Variants in GPHN observed in about 807,000 individuals in gnomAD.
The protein encoded by GPHN is gephyrin.
A neutral mutation model predicts 95.5 loss-of-function variants in GPHN; 17 were observed. The ratio of observed to expected loss-of-function variants is 0.18; its 90% CI spans 0.12 to 0.27. The LOEUF (loss-of-function observed/expected upper bound fraction) is 0.27, where lower values mean the gene tolerates loss of function less well. GPHN is among the 10% of genes least tolerant of loss of function. The pLI is 1.00. For synonymous variants in GPHN, 320 were observed against 322.5 expected (o/e 0.99, Z 0.08); for missense variants, 660 against 978.1 (o/e 0.67, Z 4.34).
chr14:66,981,163 CT>C (rs1243369857), intron 9 of GPHN, among the ~76,000 whole-genome samples: 16 of 152,170 alleles, frequency 1.1e-4, no homozygotes, highest in Non-Finnish European at 2.2e-4. Flanking sequence ...TGCAACTTTC[CT>C]TGACCTTTTT....
At chr14:66,614,270 G>C (rs554508688) in intron 1 of GPHN, among the ~76,000 whole-genome samples, 124 of 152,204 alleles carry the variant, frequency 8.1e-4, no homozygotes, top group Non-Finnish European at 1.3e-3. Flanking sequence ...TTTGAGGTTA[G>C]ATAGCTTGTC....
intron 2 of GPHN, among the ~76,000 whole-genome samples, chr14:66,716,234 G>A (rs1377927732): frequency 1.3e-5 from 2 of 152,120 alleles, no homozygotes; most frequent in Non-Finnish European, 2.9e-5. Context: ...TGTTGGACAA[G>A]GCCTTTTACC....
intron 4 of GPHN, chr14:66,842,721 G>T: frequency 2.0e-6 from 3 of 1,525,624 alleles, no homozygotes; most frequent in Non-Finnish European, 2.6e-6. Flanking sequence ...AAAGGGGTAA[G>T]CGAAGACTTC....
Position 66,553,290 on chromosome 14 carries a change from C to T in GPHN, c.64+44699C>T, listed in dbSNP as rs1439179510. Among the ~76,000 whole-genome samples the T allele has an allele frequency of 3.3e-5, 5 of 152,222 alleles. No homozygotes were observed. In the South Asian group the frequency reaches 8.3e-4, roughly 25 times the overall value. On this transcript the variant is annotated intron_variant, in intron 1 of 22. Coordinates refer to ENST00000478722, the MANE Select transcript of GPHN (RefSeq NM_020806.5). ...ATAGGCATGAGCTACCGCACCTGGC[C>T]CTAAACTTCTTAAAAGTTGGTGTTT...
chr14:66,550,788 A>G (rs2059780940), intron 1 of GPHN, among the ~76,000 whole-genome samples: 1 of 152,204 alleles, frequency 6.6e-6, no homozygotes, highest in South Asian at 2.1e-4. Flanking sequence ...CTCCACCAGC[A>G]AAAAGATTAT....
chr14:67,032,572 T>C (rs1035850429), intron 10 of GPHN, among the ~76,000 whole-genome samples: 45 of 152,114 alleles, frequency 3.0e-4, no homozygotes, highest in Admixed American at 2.7e-3. Context: ...GGAACAGTGA[T>C]GGCTTGCTAC....
chr14:67,389,564 G>A, the GPHN span, among the ~76,000 whole-genome samples: 50 of 152,116 alleles, frequency 3.3e-4, no homozygotes, highest in Non-Finnish European at 6.3e-4. Flanking sequence ...ATGTATATGA[G>A]CATTTGTGCA....
chr14:67,414,953 G>A, the GPHN span, among the ~76,000 whole-genome samples: 2 of 152,332 alleles, frequency 1.3e-5, no homozygotes, highest in South Asian at 4.1e-4. Flanking sequence ...CAGAATACAG[G>A]CTAACAGAGC....
the GPHN span, among the ~76,000 whole-genome samples, chr14:67,517,287 C>A: frequency 6.6e-6 from 1 of 152,316 alleles, no homozygotes; most frequent in Admixed American, 6.5e-5. Context: ...TGGCTCTCCC[C>A]CAGGCTCTGG....
the GPHN span, chr14:67,652,253 C>CAGTT: frequency 6.6e-6 from 1 of 152,258 alleles, no homozygotes; most frequent in Non-Finnish European, 1.5e-5. Context: ...GTATTGGTGG[C>CAGTT]AGTTAGTACA....
Position 66,638,350 on chromosome 14 carries a change from C to T in GPHN, c.65-42757C>T, listed in dbSNP as rs924718681. ...TCAGGAGGCTGAGGCAGAAGAATTG[C>T]TTGAACCAGGGAGGCAGATGTTGCA... On this transcript the variant is annotated intron_variant, in intron 1 of 22. Transcript: ENST00000478722. Among the ~76,000 whole-genome samples the T allele has an allele frequency of 2.0e-5, 3 of 152,064 alleles. 1 individual carries two copies. Among genetic ancestry groups the T allele is most frequent in the African/African-American group, 4.8e-5 (2 of 41,422 alleles).
At chr14:67,116,167 G>A (rs1463057125) in intron 16 of GPHN, among the ~76,000 whole-genome samples, 1 of 152,028 alleles carries the variant, frequency 6.6e-6, no homozygotes, top group Non-Finnish European at 1.5e-5. Flanking sequence ...ATGATGCTAT[G>A]CCCCTGTAGT....
chr14:66,899,373 C>G (rs1000239252), intron 5 of GPHN, among the ~76,000 whole-genome samples: 3 of 151,834 alleles, frequency 2.0e-5, no homozygotes, highest in African/African-American at 7.2e-5. Flanking sequence ...CAATGTTTCA[C>G]TATTAAGTAT....
At chr14:67,364,202 A>AT in the GPHN span, 1 of 152,118 alleles carries the variant, frequency 6.6e-6, no homozygotes, top group Non-Finnish European at 1.5e-5. Context: ...ATTTTAGTTT[A>AT]TTTTGTGATT....
the GPHN span, among the ~76,000 whole-genome samples, chr14:67,389,616 GTATT>G: frequency 6.6e-6 from 1 of 151,974 alleles, no homozygotes. Flanking sequence ...ACATGTATAT[GTATT>G]TATAGATAGG....
intron 12 of GPHN, among the ~76,000 whole-genome samples, chr14:67,096,322 T>A (rs1456239230): frequency 6.6e-6 from 1 of 152,130 alleles, no homozygotes; most frequent in East Asian, 1.9e-4. Flanking sequence ...CATATGGACC[T>A]CCCTGGAACT....
intron 17 of GPHN, among the ~76,000 whole-genome samples, chr14:67,142,027 A>G (rs2080488884): frequency 6.6e-6 from 1 of 152,208 alleles, no homozygotes; most frequent in Non-Finnish European, 1.5e-5. Context: ...GAAGGATACA[A>G]GGTTATCTCA....
At chr14:67,646,426 C>G in the GPHN span, 1 of 516,904 alleles carries the variant, frequency 1.9e-6, no homozygotes. Flanking sequence ...AGATTTTATT[C>G]GTCTTGAGAA....
At chr14:67,055,201 G>A (rs6573749) in intron 10 of GPHN, among the ~76,000 whole-genome samples, 39,884 of 151,976 alleles carry the variant, frequency 0.26, 10,713 homozygotes, top group African/African-American at 0.66. Context: ...CTCAGACAAA[G>A]GTCTAATATC....
Sources: gnomAD v4.1 joint callset for allele counts (sites outside exome capture counted in the v4.1 genomes callset) on GRCh38, gnomAD v4.1.1 for gene constraint, MANE v1.5 for transcripts, NCBI Gene and HGNC (gene_info 2026-07-23, HGNC 2026-07-21) for gene names.